Variants in ZNF577 observed in about 807,000 individuals in gnomAD.
ZNF577 encodes the protein zinc finger protein 577.
ZNF577 carries 14 observed loss-of-function variants against 13.9 expected under a neutral mutation model. That is an observed-to-expected ratio of 1.00 (90% confidence interval 0.66 to 1.57). The LOEUF is 1.57. Among genes scored for constraint, ZNF577 ranks in the 40% most tolerant of loss-of-function variants. The pLI is 0.00. For synonymous variants in ZNF577, 203 were observed against 202.9 expected, an observed-to-expected ratio of 1.00 and a Z score of 0.00; for missense variants, 555 against 579.2, an observed-to-expected ratio of 0.96 and a Z score of 0.43.
chr19:51,860,675 TA>T, intron 5 of ZNF577: 1 of 193,614 alleles, frequency 5.2e-6, no homozygotes, highest in South Asian at 8.6e-5. Flanking sequence ...CAGAAGGACC[TA>T]TCTACCACAT....
intron 9 of ZNF577, among the ~76,000 whole-genome samples, chr19:51,833,390 G>A (rs1036314877): frequency 2.6e-5 from 4 of 152,164 alleles, no homozygotes; most frequent in Non-Finnish European, 1.5e-5. Flanking sequence ...TTTAAGGTAG[G>A]AGCATAAATC....
At chr19:51,807,335 C>A (rs1035222583) in intron 10 of ZNF577, among the ~76,000 whole-genome samples, 2 of 152,198 alleles carry the variant, frequency 1.3e-5, no homozygotes, top group African/African-American at 4.8e-5. Flanking sequence ...TTCAAGGAGC[C>A]AGGGAGTGAG....
chr19:51,886,591 G>GA (rs1396934354), intron 1 of ZNF577: 1 of 151,758 alleles, frequency 6.6e-6, no homozygotes, highest in Non-Finnish European at 1.5e-5. Flanking sequence ...ATTTTAAAGA[G>GA]AAAAAAATAA....
At chr19:51,860,856 G>A (rs983766965) in intron 5 of ZNF577, 10 of 371,044 alleles carry the variant, frequency 2.7e-5, no homozygotes, top group Non-Finnish European at 3.6e-5. Context: ...GATTTCTCTC[G>A]TAAACAAGAT....
chr19:51,841,859 T>C (rs1468072709), intron 8 of ZNF577, among the ~76,000 whole-genome samples: 1 of 152,162 alleles, frequency 6.6e-6, no homozygotes, highest in Non-Finnish European at 1.5e-5. Flanking sequence ...ATGCCAATCA[T>C]AAGCTTGCCA....
At chr19:51,806,862 A>G (rs560265142) in intron 10 of ZNF577, among the ~76,000 whole-genome samples, 4 of 152,342 alleles carry the variant, frequency 2.6e-5, no homozygotes, top group African/African-American at 9.6e-5. Context: ...TTCTATGCGA[A>G]TGGCTAAATT....
In ZNF577 at chr19:51,873,290, T is replaced by C. The variant is rs1198141239; in HGVS notation, c.700A>G (p.Arg234Gly). ...SRKSQLMVHQ[R>G]THTGEKPYRC... is the part of the protein sequence containing the mutation. The stretch of plus-strand genomic sequence containing the variant: ...TAGGGTTTCTCTCCTGTATGGGTTC[T>C]CTGATGGACCATGAGCTGTGACTTT... The change falls in exon 6 of 6, where the codon AGA becomes GGA. Residue 234 changes from arginine (R) to glycine (G), a missense_variant. Coordinates refer to ENST00000638348, the MANE Select transcript of ZNF577 (RefSeq NM_001370449.1). 6.2e-7 allele frequency: 1 copy of C among 1,613,222 alleles called. No individual in the cohort carries two copies. The highest frequency in any genetic ancestry group is 2.2e-5 in the East Asian group (1 of 44,894).
chr19:51,873,558 C>T lies in ZNF577; in HGVS notation c.432G>A (p.Gln144=), dbSNP rs2084702726. The T allele has an allele frequency of 1.2e-6, 2 of 1,614,048 alleles. No individual in the cohort carries two copies. The highest frequency in any genetic ancestry group is 2.2e-5 in the East Asian group (1 of 44,894). ...CACAAATTTTTTGTAGGTCATTGAGCTGTGATTTAGGGCTGCTGGGTTTAA... is the reference window on the plus strand; with the variant it reads ...CACAAATTTTTTGTAGGTCATTGAGTTGTGATTTAGGGCTGCTGGGTTTAA... ...RCVKPSSPKS[Q]LNDLQKICAG... The change falls in exon 6 of 6, where the codon CAG becomes CAA. Residue 144 remains glutamine, a synonymous_variant. Coordinates refer to ENST00000638348, the MANE Select transcript of ZNF577 (RefSeq NM_001370449.1).
downstream of ZNF577, among the ~76,000 whole-genome samples, chr19:51,804,450 G>A (rs939803560): frequency 6.6e-6 from 1 of 152,060 alleles, no homozygotes; most frequent in African/African-American, 2.4e-5. Flanking sequence ...GGTGAATTAT[G>A]TACATTTAAT....
At chr19:51,808,610 C>T (rs538328489) in intron 10 of ZNF577, among the ~76,000 whole-genome samples, 5 of 152,218 alleles carry the variant, frequency 3.3e-5, no homozygotes, top group Admixed American at 2.0e-4. Context: ...TAATAGAAGG[C>T]ACAGAGAATG....
At chr19:51,831,171 T>G (rs903436320) in intron 9 of ZNF577, among the ~76,000 whole-genome samples, 1 of 152,098 alleles carries the variant, frequency 6.6e-6, no homozygotes, top group Non-Finnish European at 1.5e-5. Flanking sequence ...GCTGGAGTGC[T>G]GTGGTGCGAT....
chr19:51,865,097 A>G (rs1489509516), downstream of ZNF577, among the ~76,000 whole-genome samples: 1 of 151,996 alleles, frequency 6.6e-6, no homozygotes, highest in Non-Finnish European at 1.5e-5. Context: ...AACTTTCCCA[A>G]AGATTTTTTT....
At chr19:51,851,072 G>A (rs1175104873) in intron 5 of ZNF577, among the ~76,000 whole-genome samples, 1 of 152,094 alleles carries the variant, frequency 6.6e-6, no homozygotes, top group Non-Finnish European at 1.5e-5. Context: ...ATAAGATTTA[G>A]GATATACATT....
intron 9 of ZNF577, among the ~76,000 whole-genome samples, chr19:51,815,948 T>C (rs2084133259): frequency 6.6e-6 from 1 of 150,988 alleles, no homozygotes; most frequent in African/African-American, 2.4e-5. Flanking sequence ...GTACCTACAG[T>C]CCCAGCAACT....
intron 5 of ZNF577, among the ~76,000 whole-genome samples, chr19:51,874,034 AC>A (rs773233597): frequency 7.9e-5 from 12 of 152,334 alleles, no homozygotes; most frequent in Admixed American, 3.3e-4. Context: ...AAAGGATGAT[AC>A]TATAAAACAG....
intron 9 of ZNF577, among the ~76,000 whole-genome samples, chr19:51,833,888 C>T (rs7248523): frequency 0.42 from 64,288 of 151,764 alleles, 13,746 homozygotes; most frequent in South Asian, 0.58. Context: ...TAGTTCACAT[C>T]GTAATTGTAC....
intron 5 of ZNF577, among the ~76,000 whole-genome samples, chr19:51,851,079 C>T (rs2084376651): frequency 6.6e-6 from 1 of 152,098 alleles, no homozygotes; most frequent in African/African-American, 2.4e-5. Flanking sequence ...TTAGGATATA[C>T]ATTTAGAAGA....
intron 10 of ZNF577, among the ~76,000 whole-genome samples, chr19:51,810,974 T>C (rs28850399): frequency 0.12 from 18,898 of 152,172 alleles, 1,289 homozygotes; most frequent in Admixed American, 0.21. Flanking sequence ...AAGGAGGCAA[T>C]ACAGATGTTT....
intron 5 of ZNF577, among the ~76,000 whole-genome samples, chr19:51,858,377 G>C (rs1406399549): frequency 6.6e-6 from 1 of 152,184 alleles, no homozygotes; most frequent in Non-Finnish European, 1.5e-5. Flanking sequence ...ACTTAGGGTA[G>C]GGAGTCCCTC....
Sources: gnomAD v4.1 joint callset for allele counts (sites outside exome capture counted in the v4.1 genomes callset) on GRCh38, gnomAD v4.1.1 for gene constraint, MANE v1.5 for transcripts, NCBI Gene and HGNC (gene_info 2026-07-23, HGNC 2026-07-21) for gene names.